FGF12: variants seen among roughly 807,000 people sequenced by gnomAD.
FGF12 encodes the protein fibroblast growth factor 12B.
Under a neutral mutation model 23.6 loss-of-function variants are expected in FGF12, and 14 were observed. The ratio of observed to expected loss-of-function variants is 0.59; its 90% CI spans 0.39 to 0.93. The LOEUF is 0.93. Ranked by LOEUF, FGF12 falls within the 40% of genes least tolerant of loss-of-function variation. The probability of loss-of-function intolerance (pLI) is 0.00; values close to 1 mark genes in which losing one functional copy is unlikely to be tolerated. For missense variants in FGF12, 175 were observed against 217.8 expected (o/e 0.80, Z 1.24); for synonymous variants, 62 against 77.3 (o/e 0.80, Z 1.04).
chr3:192,569,945 T>C (rs544366554), intron 2 of FGF12, among the ~76,000 whole-genome samples: 11 of 152,170 alleles, frequency 7.2e-5, no homozygotes, highest in Non-Finnish European at 1.5e-5. Context: ...AGCGCTGCTA[T>C]GACAATTTTT....
chr3:192,274,643 T>A (rs1360616111), intron 4 of FGF12, among the ~76,000 whole-genome samples: 1 of 152,142 alleles, frequency 6.6e-6, no homozygotes, highest in Non-Finnish European at 1.5e-5. Flanking sequence ...ACAGCTACTA[T>A]CTAATCCCCT....
intron 2 of FGF12, among the ~76,000 whole-genome samples, chr3:192,494,556 T>C (rs1723890726): frequency 6.6e-6 from 1 of 152,206 alleles, no homozygotes; most frequent in African/African-American, 2.4e-5. Context: ...AATATCCTGG[T>C]CATTATCCCC....
chr3:192,217,040 G>A (rs9818651), intron 4 of FGF12, among the ~76,000 whole-genome samples: 49,932 of 152,066 alleles, frequency 0.33, 9,365 homozygotes, highest in East Asian at 0.89. Flanking sequence ...TATACATACA[G>A]TATGCAAGAG....
At chr3:192,576,998 T>C (rs1469958358) in intron 2 of FGF12, among the ~76,000 whole-genome samples, 4 of 152,120 alleles carry the variant, frequency 2.6e-5, no homozygotes, top group Non-Finnish European at 5.9e-5. Flanking sequence ...TAAGTGGGAA[T>C]TGAACAATGA....
intron 2 of FGF12, among the ~76,000 whole-genome samples, chr3:192,459,051 T>C (rs1389690871): frequency 6.6e-6 from 1 of 152,202 alleles, no homozygotes; most frequent in African/African-American, 2.4e-5. Flanking sequence ...CCTCCCACCA[T>C]GATTCTGAGG....
intron 2 of FGF12, among the ~76,000 whole-genome samples, chr3:192,505,258 T>C: frequency 6.6e-6 from 1 of 152,212 alleles, no homozygotes; most frequent in Admixed American, 6.5e-5. Flanking sequence ...TATGTACACA[T>C]CATTAGAAAC....
intron 2 of FGF12, among the ~76,000 whole-genome samples, chr3:192,706,864 G>C (rs138728226): frequency 6.6e-6 from 1 of 152,278 alleles, no homozygotes; most frequent in Non-Finnish European, 1.5e-5. Flanking sequence ...ATTAAGCCAA[G>C]ATTCTAAGGC....
chr3:192,511,222 TACACAC>T (rs5855433), intron 2 of FGF12, among the ~76,000 whole-genome samples: 96,334 of 149,558 alleles, frequency 0.64, 31,630 homozygotes, highest in East Asian at 0.76. Flanking sequence ...CAATTGTGTG[TACACAC>T]ACACACACAC....
intron 2 of FGF12, among the ~76,000 whole-genome samples, chr3:192,630,521 C>T (rs77662588): frequency 0.097 from 14,533 of 150,302 alleles, 893 homozygotes; most frequent in Non-Finnish European, 0.14. Flanking sequence ...GCTCTTAACG[C>T]TGTGTGACAC....
intron 2 of FGF12, among the ~76,000 whole-genome samples, chr3:192,698,404 C>A (rs1718191293): frequency 6.6e-6 from 1 of 152,150 alleles, no homozygotes; most frequent in Admixed American, 6.6e-5. Flanking sequence ...TAGCCTCAGT[C>A]TTTTATCACA....
At chr3:192,304,312 C>T (rs9855216) in intron 4 of FGF12, among the ~76,000 whole-genome samples, 3,278 of 152,212 alleles carry the variant, frequency 0.022, 116 homozygotes, top group African/African-American at 0.075. Context: ...GGGCACCGAG[C>T]GCTTTACTTT....
intron 4 of FGF12, among the ~76,000 whole-genome samples, chr3:192,209,728 ACT>A (rs1334593617): frequency 6.6e-6 from 1 of 152,168 alleles, no homozygotes; most frequent in Non-Finnish European, 1.5e-5. Flanking sequence ...CTTTGAAGTA[ACT>A]CTGTAATAAA....
intron 2 of FGF12, among the ~76,000 whole-genome samples, chr3:192,439,588 G>A (rs924098306): frequency 6.6e-6 from 1 of 152,168 alleles, no homozygotes; most frequent in Non-Finnish European, 1.5e-5. Context: ...CCTCAACTGA[G>A]CTTACAATCT....
intron 4 of FGF12, among the ~76,000 whole-genome samples, chr3:192,246,349 G>A (rs1367885148): frequency 6.6e-6 from 1 of 152,052 alleles, no homozygotes; most frequent in Non-Finnish European, 1.5e-5. Flanking sequence ...AATATAAATG[G>A]GCCAAACATT....
chr3:192,616,693 T>C (rs1456172210), intron 2 of FGF12, among the ~76,000 whole-genome samples: 3 of 151,998 alleles, frequency 2.0e-5, no homozygotes, highest in African/African-American at 4.8e-5. Context: ...AAGAGAGTTC[T>C]TTTCCAGCTT....
intron 4 of FGF12, among the ~76,000 whole-genome samples, chr3:192,264,631 A>C (rs1229197568): frequency 1.3e-5 from 2 of 152,130 alleles, no homozygotes; most frequent in Non-Finnish European, 2.9e-5. Context: ...ACTGATGTAC[A>C]GAGAGGATAG....
At chr3:192,592,217 G>T (rs944885041) in intron 2 of FGF12, among the ~76,000 whole-genome samples, 1 of 152,004 alleles carries the variant, frequency 6.6e-6, no homozygotes, top group East Asian at 1.9e-4. Flanking sequence ...TGTTGATGAA[G>T]ATTGCACACA....
chr3:192,623,429 TG>T (rs11338438), intron 2 of FGF12, among the ~76,000 whole-genome samples: 116,962 of 152,082 alleles, frequency 0.77, 45,884 homozygotes, highest in African/African-American at 0.94. Flanking sequence ...AATACAGATT[TG>T]GGGGGTGATG....
At chr3:192,541,083 ACT>A (rs1725352286) in intron 2 of FGF12, among the ~76,000 whole-genome samples, 1 of 151,392 alleles carries the variant, frequency 6.6e-6, no homozygotes, top group African/African-American at 2.4e-5. Context: ...CCATTTAGCT[ACT>A]CTATGTGCTT....
Sources: gnomAD v4.1 joint callset for allele counts (sites outside exome capture counted in the v4.1 genomes callset) on GRCh38, gnomAD v4.1.1 for gene constraint, MANE v1.5 for transcripts, NCBI Gene and HGNC (gene_info 2026-07-23, HGNC 2026-07-21) for gene names.